SLC25A40: variants seen among roughly 807,000 people sequenced by gnomAD.
The protein encoded by SLC25A40 is mitochondrial glutathione transporter SLC25A40.
SLC25A40 carries 41 observed loss-of-function variants against 46.5 expected under a neutral mutation model. The observed-to-expected ratio is 0.88, with a 90% CI of 0.69 to 1.14. The LOEUF (loss-of-function observed/expected upper bound fraction) is 1.14. SLC25A40 is among the 50% of genes most tolerant of loss of function. SLC25A40 has a pLI of 0.00. For synonymous variants in SLC25A40, 126 were observed against 127.5 expected, an observed-to-expected ratio of 0.99 and a Z score of 0.08; for missense variants, 386 against 393.6, an observed-to-expected ratio of 0.98 and a Z score of 0.16.
intron 1 of SLC25A40, among the ~76,000 whole-genome samples, chr7:87,866,937 T>C (rs1470507009): frequency 1.3e-5 from 2 of 152,214 alleles, no homozygotes; most frequent in Non-Finnish European, 2.9e-5. Context: ...AGCCCAAGAG[T>C]TCTGGGCCGT....
intron 8 of SLC25A40, among the ~76,000 whole-genome samples, chr7:87,846,745 G>GA (rs201127924): frequency 0.03 from 4,503 of 148,334 alleles, 65 homozygotes; most frequent in Middle Eastern, 0.048. Flanking sequence ...TAATCACAAG[G>GA]AAAAAAAAAC....
At chr7:87,867,349 ATTG>A (rs1330494527) in intron 1 of SLC25A40, among the ~76,000 whole-genome samples, 1 of 151,862 alleles carries the variant, frequency 6.6e-6, no homozygotes, top group Non-Finnish European at 1.5e-5. Flanking sequence ...TAGCTCACTG[ATTG>A]TTTTCTCTGC....
At chr7:87,864,639 TTG>T (rs1488289473) in intron 1 of SLC25A40, among the ~76,000 whole-genome samples, 1 of 152,216 alleles carries the variant, frequency 6.6e-6, no homozygotes, top group Non-Finnish European at 1.5e-5. Context: ...CAGATCCTTT[TTG>T]GTTTCCACTC....
chr7:87,858,373 A>G (rs28537604), intron 3 of SLC25A40, among the ~76,000 whole-genome samples: 14,797 of 151,960 alleles, frequency 0.097, 886 homozygotes, highest in African/African-American at 0.17. Flanking sequence ...CCCTGTTCTT[A>G]CACCCCCTCC....
chr7:87,862,730 A>G (rs575499040), intron 1 of SLC25A40, among the ~76,000 whole-genome samples: 2 of 152,338 alleles, frequency 1.3e-5, no homozygotes, highest in South Asian at 2.1e-4. Flanking sequence ...ATTAACAAAT[A>G]AAAGTGTTTT....
At chr7:87,857,203 A>T (rs991757790) in intron 3 of SLC25A40, among the ~76,000 whole-genome samples, 2 of 152,206 alleles carry the variant, frequency 1.3e-5, no homozygotes, top group African/African-American at 4.8e-5. Flanking sequence ...GATTATTTGT[A>T]ATTGTTACGA....
Position 87,864,029 on chromosome 7 carries a change from C to T in SLC25A40, c.-93-3389G>A, listed in dbSNP as rs142934939. Among the ~76,000 whole-genome samples the T allele has an allele frequency of 8.1e-4, 124 of 152,240 alleles. 3 individuals carry two copies. In the East Asian group the frequency reaches 0.022, roughly 27 times the overall value. On this transcript the variant is annotated intron_variant, in intron 1 of 11. Coordinates refer to ENST00000341119, the MANE Select transcript of SLC25A40 (RefSeq NM_018843.4). ...CTAGGTTCATCCATGTTGTCACAAG[C>T]GACAGAATTTCATTCTCATTTTACA... is the stretch of plus-strand genomic sequence containing the variant.
chr7:87,867,341 GCTCA>G (rs909760351), intron 1 of SLC25A40, among the ~76,000 whole-genome samples: 3 of 151,958 alleles, frequency 2.0e-5, no homozygotes, highest in African/African-American at 7.3e-5. Flanking sequence ...CTGTCCTTTA[GCTCA>G]CTGATTGTTT....
intron 1 of SLC25A40, among the ~76,000 whole-genome samples, chr7:87,869,588 C>T (rs571303145): frequency 2.3e-4 from 35 of 151,030 alleles, no homozygotes; most frequent in Admixed American, 1.4e-3. Context: ...TATTTCAGTT[C>T]GTACCCCCTT....
chr7:87,836,816 T>C lies in SLC25A40; in HGVS notation c.824-6A>G, dbSNP rs754640589. 1 of 1,467,638 alleles carries C rather than the reference T, an allele frequency of 6.8e-7. No homozygotes were observed. The highest frequency in any genetic ancestry group is 2.5e-5 in the Admixed American group (1 of 39,586). The allele number at this position is 1,467,638 out of a possible 1,614,324, so 90.9% of individuals were successfully genotyped here. A position where few individuals can be genotyped will look rare whatever the true frequency, so the allele number is the denominator to read the frequency against. On this transcript the variant is annotated splice_polypyrimidine_tract_variant and splice_region_variant and intron_variant, in intron 10 of 11. Transcript: ENST00000341119. ...CATATGCAAAGGCATAGAAACTAAA[T>C]GTTAAAATAAAGAAATAATGCTATT...
intron 10 of SLC25A40, among the ~76,000 whole-genome samples, chr7:87,840,915 T>A (rs1037197379): frequency 3.3e-5 from 5 of 151,816 alleles, no homozygotes; most frequent in African/African-American, 1.2e-4. Context: ...AATTTTTATT[T>A]ACATTATAAT....
At position 87,858,615 on chromosome 7, in the gene SLC25A40, A is replaced by G. The variant is rs1163302165; in HGVS notation, c.97+16T>C. 1 of 1,344,428 alleles carries G rather than the reference A, an allele frequency of 7.4e-7. No individual in the cohort carries two copies. Among genetic ancestry groups the G allele is most frequent in the Admixed American group, 1.7e-5 (1 of 59,578 alleles). 83.3% of individuals were successfully genotyped at this position (1,344,428 alleles called of 1,614,324 possible). A position where few individuals can be genotyped will look rare whatever the true frequency, so the allele number is the denominator to read the frequency against. ...CATTCAAAGTTACATAATCTACATC[A>G]GTAACATAATTTTACCTATTACTGA... On this transcript the variant is annotated intron_variant, in intron 3 of 11. Transcript: ENST00000341119.
At position 87,849,973 on chromosome 7, in the gene SLC25A40, A is replaced by G. The variant is rs202234430; in HGVS notation, c.265-25T>C. 9 of 1,438,056 alleles carry G rather than the reference A, an allele frequency of 6.3e-6. No homozygotes were observed. In the African/African-American group the frequency reaches 1.1e-4, roughly 18 times the overall value. The allele number at this position is 1,438,056 out of a possible 1,614,324, so 89.1% of individuals were successfully genotyped here. A position where few individuals can be genotyped will look rare whatever the true frequency, so the allele number is the denominator to read the frequency against. Reference sequence around the variant, plus strand: ...CCTAAAGTTATAATAGAAAAAAAGTAATCAAAATATATCTTTAAACCTTTT... The same window carrying G: ...CCTAAAGTTATAATAGAAAAAAAGTGATCAAAATATATCTTTAAACCTTTT... On this transcript the variant is annotated intron_variant, in intron 5 of 11. Coordinates refer to ENST00000341119, the MANE Select transcript of SLC25A40 (RefSeq NM_018843.4).
chr7:87,870,471 C>G, intron 1 of SLC25A40, among the ~76,000 whole-genome samples: 1 of 152,158 alleles, frequency 6.6e-6, no homozygotes, highest in East Asian at 1.9e-4. Context: ...AAATTCTGGG[C>G]ATAAGAGGGC....
intron 5 of SLC25A40, 71 bp from the exon 6 acceptor site, chr7:87,850,019 G>A: frequency 2.2e-6 from 2 of 927,552 alleles, no homozygotes; most frequent in Admixed American, 5.5e-5. Context: ...TTATACTGAT[G>A]ATTGGTAATT....
chr7:87,839,311 A>AAT (rs1217483684), intron 10 of SLC25A40, among the ~76,000 whole-genome samples: 4 of 151,450 alleles, frequency 2.6e-5, no homozygotes, highest in African/African-American at 9.7e-5. Context: ...ATAATATAGA[A>AAT]ATATTGAAAT....
At chr7:87,858,901 G>T in intron 2 of SLC25A40, 150 bp from the exon 3 acceptor site, 1 of 602,454 alleles carries the variant, frequency 1.7e-6, no homozygotes, top group Non-Finnish European at 2.9e-6. Context: ...GAAAGCAGGT[G>T]ACCACTAAGT....
At chr7:87,838,046 AT>A (rs1838281611) in intron 10 of SLC25A40, among the ~76,000 whole-genome samples, 1 of 151,520 alleles carries the variant, frequency 6.6e-6, no homozygotes, top group Non-Finnish European at 1.5e-5. Context: ...TATATAAAAT[AT>A]CAGAATCTCT....
chr7:87,841,644 T>C lies in SLC25A40; in HGVS notation c.812A>G (p.Glu271Gly). The change falls in exon 10 of 12, where the codon GAA becomes GGA. Residue 271 changes from glutamate to glycine, a missense_variant. Physicochemically the swap from Glu to Gly is moderately conservative, Grantham distance 98. Transcript: ENST00000341119. Reference sequence around the variant, plus strand: ...TTAATTAAACTTACTTTTATGACTTTCATATGTCCAAAGTTGTGTCTGCTT... The same window carrying C: ...TTAATTAAACTTACTTTTATGACTTCCATATGTCCAAAGTTGTGTCTGCTT... ...TQKQTQLWTY[E>G]SHKISMPLHM... 2 of 1,503,266 alleles carry C rather than the reference T, an allele frequency of 1.3e-6. No homozygotes were observed. Among genetic ancestry groups the C allele is most frequent in the East Asian group, 5.1e-5 (2 of 39,224 alleles). 93.1% of individuals were successfully genotyped at this position (1,503,266 alleles called of 1,614,324 possible).
Sources: gnomAD v4.1 joint callset for allele counts (sites outside exome capture counted in the v4.1 genomes callset) on GRCh38, gnomAD v4.1.1 for gene constraint, MANE v1.5 for transcripts, NCBI Gene and HGNC (gene_info 2026-07-23, HGNC 2026-07-21) for gene names.